Variants in CCDC3 observed in about 807,000 individuals in gnomAD.
CCDC3 encodes coiled-coil domain-containing protein 3.
A neutral mutation model predicts 21.4 loss-of-function variants in CCDC3; 24 were observed. The ratio of observed to expected loss-of-function variants is 1.12; its 90% CI spans 0.81 to 1.58. The LOEUF is 1.58. CCDC3 is among the 40% of genes most tolerant of loss of function. The pLI is 0.00. For missense variants in CCDC3, 425 were observed against 360.9 expected, an observed-to-expected ratio of 1.18 and a Z score of -1.44; for synonymous variants, 186 against 166.0, an observed-to-expected ratio of 1.12 and a Z score of -0.93.
chr10:13,071,011 G>A (rs913817016), intron 4 of CCDC3, among the ~76,000 whole-genome samples: 1 of 152,144 alleles, frequency 6.6e-6, no homozygotes, highest in Non-Finnish European at 1.5e-5. Context: ...GATGGGTGAC[G>A]TAAAAATCTG....
chr10:12,986,634 C>T (rs767690194), intron 2 of CCDC3, among the ~76,000 whole-genome samples: 69 of 152,038 alleles, frequency 4.5e-4, no homozygotes, highest in Non-Finnish European at 7.5e-4. Flanking sequence ...ATTAGCTGGG[C>T]GTGGTGGCGG....
chr10:12,941,933 A>T (rs72777409), intron 2 of CCDC3, among the ~76,000 whole-genome samples: 2,150 of 152,320 alleles, frequency 0.014, 21 homozygotes, highest in Middle Eastern at 0.051. Flanking sequence ...ACGGCCTTGA[A>T]TCATCTACTT....
intron 3 of CCDC3, among the ~76,000 whole-genome samples, chr10:13,079,361 G>A (rs948852715): frequency 2.0e-5 from 3 of 152,162 alleles, no homozygotes; most frequent in African/African-American, 7.2e-5. Context: ...AACTGGCTGT[G>A]ACCTGGAGTA....
intron 2 of CCDC3, among the ~76,000 whole-genome samples, chr10:12,900,072 C>T (rs1166024403): frequency 6.6e-6 from 1 of 152,144 alleles, no homozygotes; most frequent in African/African-American, 2.4e-5. Flanking sequence ...ACTCTATTGC[C>T]TGCCATCATG....
intron 5 of CCDC3, among the ~76,000 whole-genome samples, chr10:13,040,502 C>A (rs190192194): frequency 1.3e-5 from 2 of 152,238 alleles, no homozygotes; most frequent in African/African-American, 4.8e-5. Context: ...GTCAGCCTGA[C>A]CAACATGGTA....
chr10:13,013,496 G>C (rs919886085), intron 5 of CCDC3, among the ~76,000 whole-genome samples: 1 of 152,126 alleles, frequency 6.6e-6, no homozygotes, highest in African/African-American at 2.4e-5. Flanking sequence ...TGAATAATTA[G>C]AACAGTTTAG....
At chr10:13,086,786 C>T (rs1157023813) in intron 3 of CCDC3, among the ~76,000 whole-genome samples, 1 of 152,166 alleles carries the variant, frequency 6.6e-6, no homozygotes, top group East Asian at 1.9e-4. Flanking sequence ...GGAATTCAAT[C>T]CTAGTTTTCA....
In CCDC3 at chr10:13,069,240, G is replaced by A. The variant is rs569461217; in HGVS notation, c.-270+4628C>T. ...ATTGCACTCCAGCCTGGGCAACAAA[G>A]ACTGAAACTCTGCCTCAAAAAAATA... On this transcript the variant is annotated intron_variant, in intron 4 of 6. Coordinates refer to the CCDC3 transcript ENST00000378839. 2.0e-5 allele frequency among the ~76,000 whole-genome samples: 3 copies of A among 152,346 alleles called. No individual in the cohort carries two copies. In the South Asian group the frequency reaches 6.2e-4, roughly 32 times the overall value.
chr10:12,902,647 G>A (rs1834112447), intron 2 of CCDC3, among the ~76,000 whole-genome samples: 1 of 152,316 alleles, frequency 6.6e-6, no homozygotes, highest in South Asian at 2.1e-4. Flanking sequence ...AGGCAGGCTC[G>A]ATGGCGGTGT....
chr10:12,974,842 C>A (rs1368893463), intron 2 of CCDC3, among the ~76,000 whole-genome samples: 1 of 152,202 alleles, frequency 6.6e-6, no homozygotes, highest in Non-Finnish European at 1.5e-5. Flanking sequence ...AGCACAGTCT[C>A]CCCAGTGATA....
At chr10:12,995,784 G>A (rs1242672695) in intron 2 of CCDC3, among the ~76,000 whole-genome samples, 1 of 152,188 alleles carries the variant, frequency 6.6e-6, no homozygotes, top group Non-Finnish European at 1.5e-5. Context: ...AAGGGAAAGG[G>A]AAAAGGAATT....
chr10:13,018,937 C>G (rs1836107719), intron 5 of CCDC3, among the ~76,000 whole-genome samples: 1 of 144,072 alleles, frequency 6.9e-6, no homozygotes, highest in Non-Finnish European at 1.5e-5. Context: ...AACTCTGTCT[C>G]AAAAAAGGAA....
chr10:12,990,651 A>G (rs1055730713), intron 2 of CCDC3, among the ~76,000 whole-genome samples: 29 of 152,180 alleles, frequency 1.9e-4, no homozygotes, highest in Admixed American at 1.8e-3. Flanking sequence ...TGAGTTTGAC[A>G]GCTTCCCAAT....
upstream of CCDC3, among the ~76,000 whole-genome samples, chr10:13,003,829 C>T (rs1222655129): frequency 6.6e-6 from 1 of 152,138 alleles, no homozygotes; most frequent in African/African-American, 2.4e-5. Context: ...TTGACAGAAT[C>T]AAAACTCTTC....
intron 2 of CCDC3, among the ~76,000 whole-genome samples, chr10:12,969,377 T>C (rs150289229): frequency 5.1e-4 from 77 of 152,216 alleles, no homozygotes; most frequent in African/African-American, 1.8e-3. Context: ...TACACCACTA[T>C]AGAAAACAGT....
intron 4 of CCDC3, among the ~76,000 whole-genome samples, chr10:13,073,548 C>CTGGAGTGCAGTGGTACGATCA (rs79435407): frequency 0.21 from 31,965 of 151,560 alleles, 3,876 homozygotes; most frequent in East Asian, 0.29. Context: ...GTCACCCAGG[C>CTGGAGTGCAGTGGTACGATCA]TGGCTCACTG....
intron 3 of CCDC3, among the ~76,000 whole-genome samples, chr10:13,079,924 AG>A (rs201675063): frequency 3.7e-4 from 56 of 151,798 alleles, no homozygotes; most frequent in East Asian, 5.8e-4. Flanking sequence ...GGTTAAAAAA[AG>A]AAAGGGAACT....
intron 2 of CCDC3, among the ~76,000 whole-genome samples, chr10:12,968,202 T>C (rs12265250): frequency 4.5e-4 from 64 of 143,544 alleles, no homozygotes; most frequent in Middle Eastern, 3.6e-3. Context: ...CACACACACA[T>C]ACACACACAC....
intron 2 of CCDC3, among the ~76,000 whole-genome samples, chr10:12,981,040 CTT>C (rs879255847): frequency 2.7e-5 from 4 of 148,638 alleles, no homozygotes; most frequent in African/African-American, 9.9e-5. Context: ...GAAGATTAGA[CTT>C]TTTTTTTTTT....
Sources: gnomAD v4.1 joint callset for allele counts (sites outside exome capture counted in the v4.1 genomes callset) on GRCh38, gnomAD v4.1.1 for gene constraint, MANE v1.5 for transcripts, NCBI Gene and HGNC (gene_info 2026-07-23, HGNC 2026-07-21) for gene names.